The following LNX1 variants were observed in gnomAD, a reference collection of about 807,000 sequenced individuals.
The protein encoded by LNX1 is E3 ubiquitin-protein ligase LNX.
In LNX1, 54 loss-of-function variants were observed where a neutral mutation model predicts 68.4. The observed-to-expected ratio is 0.79, with a 90% CI of 0.63 to 0.99. The LOEUF (loss-of-function observed/expected upper bound fraction) is 0.99, where lower values mean the gene tolerates loss of function less well. Among genes scored for constraint, LNX1 ranks in the 50% least tolerant of loss-of-function variants. The pLI is 0.00. For synonymous variants in LNX1, 336 were observed against 350.0 expected (o/e 0.96, Z 0.45); for missense variants, 906 against 926.4 (o/e 0.98, Z 0.29).
chr4:53,601,051 C>T (rs1280537080), intron 2 of LNX1, among the ~76,000 whole-genome samples: 8 of 112,970 alleles, frequency 7.1e-5, no homozygotes, highest in Admixed American at 5.5e-4. Context: ...GCACTCCAGC[C>T]TGGGGGACAG....
chr4:53,614,866 G>A (rs954483579), intron 2 of LNX1, among the ~76,000 whole-genome samples: 2 of 152,084 alleles, frequency 1.3e-5, no homozygotes, highest in African/African-American at 4.8e-5. Context: ...GGTGCAGGGA[G>A]GACTCCAGAG....
intron 1 of LNX1, among the ~76,000 whole-genome samples, chr4:53,624,343 G>A (rs1349542613): frequency 6.6e-6 from 1 of 152,100 alleles, no homozygotes; most frequent in East Asian, 1.9e-4. Context: ...TACTGTTCTA[G>A]TGGTTGTGAA....
Position 53,461,528 on chromosome 4 carries a change from A to G in LNX1, c.1958T>C (p.Ile653Thr), listed in dbSNP as rs759216838. The G allele has an allele frequency of 1.1e-5, 18 of 1,612,404 alleles. No homozygotes were observed. The highest frequency in any genetic ancestry group is 3.3e-5 in the South Asian group (3 of 90,972). ...RNTAGSLGFC[I>T]VGGYEEYNGN... ...ATTGTATTCTTCATAACCTCCTACA[A>G]TGCAGAAGCCCAGACTTCCAGCTGT... Residue 653 changes from isoleucine (I) to threonine (T), a missense_variant, in exon 10 of 11, where the codon ATT (isoleucine) becomes ACT (threonine). Transcript: ENST00000263925.
chr4:53,599,916 T>C (rs1478105213), intron 2 of LNX1, among the ~76,000 whole-genome samples: 1 of 152,222 alleles, frequency 6.6e-6, no homozygotes, highest in East Asian at 1.9e-4. Flanking sequence ...CAGGGCTGGC[T>C]GGCATTGCAC....
chr4:53,642,780 G>A (rs1220616769), intron 1 of LNX1, among the ~76,000 whole-genome samples: 2 of 152,156 alleles, frequency 1.3e-5, no homozygotes, highest in Non-Finnish European at 2.9e-5. Context: ...TGCTTACTTT[G>A]AGATCAGAAT....
intron 1 of LNX1, among the ~76,000 whole-genome samples, chr4:53,639,005 A>G (rs1734579254): frequency 6.6e-6 from 1 of 152,168 alleles, no homozygotes; most frequent in Non-Finnish European, 1.5e-5. Context: ...AAAGAAAACA[A>G]ACTGTTCTAC....
intron 2 of LNX1, among the ~76,000 whole-genome samples, chr4:53,534,627 GC>G (rs1728244019): frequency 6.6e-6 from 1 of 152,146 alleles, no homozygotes; most frequent in Non-Finnish European, 1.5e-5. Context: ...GGGTAACAGA[GC>G]AACACCCTGT....
Position 53,460,190 on chromosome 4 carries a change from T to G in LNX1, c.*717A>C, listed in dbSNP as rs1721621228. 5.1e-6 allele frequency: 1 copy of G among 196,644 alleles called. No individual in the cohort carries two copies. The highest frequency in any genetic ancestry group is 6.1e-5 in the Admixed American group (1 of 16,514). 12.2% of individuals were successfully genotyped at this position (196,644 alleles called of 1,614,324 possible). A position where few individuals can be genotyped will look rare whatever the true frequency, so the allele number is the denominator to read the frequency against. ...GCTGGTTTGGCCTTCTTGATGCATT[T>G]TCCAAGGCCCACTGGTGGAGCAGCA... is the stretch of plus-strand genomic sequence containing the variant. On this transcript the variant is annotated 3_prime_UTR_variant, in exon 11 of 11. Coordinates refer to ENST00000263925, the MANE Select transcript of LNX1 (RefSeq NM_001126328.3).
At chr4:53,485,803 G>A (rs1724251683) in intron 6 of LNX1, among the ~76,000 whole-genome samples, 1 of 152,176 alleles carries the variant, frequency 6.6e-6, no homozygotes, top group African/African-American at 2.4e-5. Context: ...TGAGGAGGGG[G>A]AGTATAGGGG....
At chr4:53,642,264 C>T (rs1734717937) in intron 1 of LNX1, among the ~76,000 whole-genome samples, 1 of 148,764 alleles carries the variant, frequency 6.7e-6, no homozygotes, top group Non-Finnish European at 1.5e-5. Context: ...CAGGCCCAGA[C>T]CATTTCCACT....
chr4:53,626,214 C>A (rs2572289), intron 1 of LNX1, among the ~76,000 whole-genome samples: 50,241 of 151,844 alleles, frequency 0.33, 8,661 homozygotes, highest in Admixed American at 0.38. Flanking sequence ...AAAATATGTT[C>A]GTTTTCAAGG....
intron 2 of LNX1, among the ~76,000 whole-genome samples, chr4:53,513,102 C>T (rs1303762301): frequency 2.6e-4 from 4 of 15,532 alleles, no homozygotes; most frequent in South Asian, 3.0e-3. Context: ...ACCATACCAA[C>T]AATTTTTTTT....
At chr4:53,616,900 A>G (rs892761050) in intron 1 of LNX1, among the ~76,000 whole-genome samples, 2 of 152,184 alleles carry the variant, frequency 1.3e-5, no homozygotes, top group Non-Finnish European at 2.9e-5. Flanking sequence ...ACTGATGTTT[A>G]AACTAAGAAG....
chr4:53,505,892 C>T (rs1725836794), intron 4 of LNX1, among the ~76,000 whole-genome samples: 1 of 152,080 alleles, frequency 6.6e-6, no homozygotes, highest in Non-Finnish European at 1.5e-5. Context: ...AGTGGGAGCG[C>T]AGGCTGGATA....
rs377435105 is a variant in LNX1 at position 53,508,217 on chromosome 4, C to A, written c.391G>T (p.Ala131Ser). 8 of 1,613,710 alleles carry A rather than the reference C, an allele frequency of 5.0e-6. No individual in the cohort carries two copies. The highest frequency in any genetic ancestry group is 6.8e-6 in the Non-Finnish European group (8 of 1,179,744). ...EHHFQTSCKG[A>S]SHYGLTKDRK... Reference sequence around the variant, plus strand: ...TCTTTGGTCAGGCCGTAGTGGGAGGCACCTTTACAGCTGTAACAGAACCAG... The same window carrying A: ...TCTTTGGTCAGGCCGTAGTGGGAGGAACCTTTACAGCTGTAACAGAACCAG... Residue 131 changes from alanine to serine, a missense_variant, in exon 3 of 11, where the codon GCC becomes TCC. Transcript: ENST00000263925.
chr4:53,546,287 T>C (rs1469819348), intron 2 of LNX1, among the ~76,000 whole-genome samples: 1 of 152,208 alleles, frequency 6.6e-6, no homozygotes, highest in Non-Finnish European at 1.5e-5. Flanking sequence ...GCTGCACGTG[T>C]TCAAAATTGG....
chr4:53,510,265 T>G (rs1436042743), intron 2 of LNX1, among the ~76,000 whole-genome samples: 1 of 152,234 alleles, frequency 6.6e-6, no homozygotes, highest in Non-Finnish European at 1.5e-5. Flanking sequence ...CATGGGGATA[T>G]CTTTGGTGTT....
intron 2 of LNX1, among the ~76,000 whole-genome samples, chr4:53,566,537 C>A (rs1730706489): frequency 6.7e-6 from 1 of 149,920 alleles, no homozygotes; most frequent in South Asian, 2.1e-4. Context: ...CCAGCCGCTG[C>A]AAAATCATGC....
intron 7 of LNX1, among the ~76,000 whole-genome samples, chr4:53,479,979 T>C (rs2109414696): frequency 6.6e-6 from 1 of 152,344 alleles, no homozygotes; most frequent in Middle Eastern, 3.4e-3. Flanking sequence ...AGGTAAACCA[T>C]GCAAAATTTG....
Sources: allele counts gnomAD v4.1 joint callset (sites outside exome capture counted in the v4.1 genomes callset), GRCh38; gene constraint gnomAD v4.1.1; transcripts MANE v1.5; gene names NCBI Gene and HGNC (gene_info 2026-07-23, HGNC 2026-07-21).